DARS2: variants seen among roughly 807,000 people sequenced by gnomAD.
DARS2 encodes the protein aspartyl-tRNA synthetase 2, mitochondrial, also known as aspartate--tRNA ligase, mitochondrial.
A neutral mutation model predicts 83.0 loss-of-function variants in DARS2; 63 were observed. The ratio of observed to expected loss-of-function variants is 0.76; its 90% CI spans 0.62 to 0.94. The LOEUF is 0.94. Among genes scored for constraint, DARS2 ranks in the 40% least tolerant of loss-of-function variants. The pLI, the probability that DARS2 is intolerant of heterozygous loss-of-function variation, is 0.00. For missense variants in DARS2, 675 were observed against 774.4 expected (o/e 0.87, Z 1.52); for synonymous variants, 250 against 269.3 (o/e 0.93, Z 0.70).
intron 12 of DARS2, among the ~76,000 whole-genome samples, chr1:173,845,909 G>A (rs1227086727): frequency 6.6e-6 from 1 of 152,190 alleles, no homozygotes; most frequent in Admixed American, 6.5e-5. Flanking sequence ...TGTAATCCCA[G>A]CACTTTGGGA....
intron 16 of DARS2, 106 bp downstream of exon 16, chr1:173,856,847 C>A: frequency 3.8e-6 from 3 of 788,522 alleles, no homozygotes; most frequent in Non-Finnish European, 6.2e-6. Flanking sequence ...TCCAAGAGTT[C>A]CATGAGAATG....
At chr1:173,856,619 G>A in intron 15 of DARS2, 47 bp from the exon 16 acceptor site, 6 of 1,567,158 alleles carry the variant, frequency 3.8e-6, no homozygotes, top group Non-Finnish European at 3.5e-6. Context: ...GTGGCACTTA[G>A]TGGACCTTCA....
Position 173,845,310 on chromosome 1 carries a change from C to T in DARS2, c.1191+19C>T. On this transcript the variant is annotated intron_variant, in intron 12 of 16. Coordinates refer to ENST00000649689, the MANE Select transcript of DARS2 (RefSeq NM_018122.5). Reference sequence around the variant, plus strand: ...TAATCAGGTAAGGAGTTAATTAGAGCAGTTTTTTTCCTTATACAGATTCAA... The same window carrying T: ...TAATCAGGTAAGGAGTTAATTAGAGTAGTTTTTTTCCTTATACAGATTCAA... The T allele has an allele frequency of 1.9e-6, 3 of 1,569,624 alleles. No homozygotes were observed. The South Asian group carries it at 3.3e-5, about 17-fold the overall frequency.
At chr1:173,839,293 C>A in intron 9 of DARS2, 74 bp from the exon 10 acceptor site, 1 of 1,405,794 alleles carries the variant, frequency 7.1e-7, no homozygotes, top group East Asian at 2.4e-5. Flanking sequence ...TCTATAGTAA[C>A]TTGAAAGCAG....
In DARS2 at chr1:173,857,594, G is replaced by A; in HGVS notation, c.1827G>A (p.Arg609=). The A allele has an allele frequency of 1.2e-6, 2 of 1,614,108 alleles. No homozygotes were observed. The highest frequency in any genetic ancestry group is 1.7e-6 in the Non-Finnish European group (2 of 1,180,014). The change falls in exon 17 of 17, where the codon CGG becomes CGA. Residue 609 remains arginine (R), a synonymous_variant. Transcript: ENST00000649689. ...TCATAGCCTTCCCAAAGTCCTTCCG[G>A]GGACATGACCTCATGAGCAATACCC... ...RDVIAFPKSF[R]GHDLMSNTPD...
Position 173,837,029 on chromosome 1 carries a change from G to C in DARS2, c.753G>C (p.Met251Ile). The change falls in exon 8 of 17, where the codon ATG (methionine) becomes ATC (isoleucine). Residue 251 changes from methionine to isoleucine, a missense_variant. Transcript: ENST00000649689. ...CTCAACAGTTTAAGCAACTTCTGAT[G>C]GTTGGCGGTTTAGACAGGTGAGCTT... ...QSPQQFKQLL[M>I]VGGLDRYFQV... The C allele has an allele frequency of 6.2e-7, 1 of 1,613,872 alleles. No individual in the cohort carries two copies. The highest frequency in any genetic ancestry group is 1.1e-5 in the South Asian group (1 of 91,068).
Position 173,856,680 on chromosome 1 carries a change from G to A in DARS2, c.1689G>A (p.Met563Ile), listed in dbSNP as rs1235683237. The A allele has an allele frequency of 3.7e-6, 6 of 1,613,766 alleles. No homozygotes were observed. The highest frequency in any genetic ancestry group is 5.1e-6 in the Non-Finnish European group (6 of 1,179,860). ...TTGAATTTCAGGAGGATGTGAAAATGCTCTCCCATCTGCTCCAGGCTTTAG... is the reference window on the plus strand; with the variant it reads ...TTGAATTTCAGGAGGATGTGAAAATACTCTCCCATCTGCTCCAGGCTTTAG... The part of the protein sequence containing the change: ...LATLLKEDVK[M>I]LSHLLQALDY... The change falls in exon 16 of 17, where the codon ATG becomes ATA. Residue 563 changes from methionine (M) to isoleucine (I), a missense_variant. Physicochemically the swap from Met to Ile is conservative, Grantham distance 10. Coordinates refer to ENST00000649689, the MANE Select transcript of DARS2 (RefSeq NM_018122.5).
chr1:173,845,197 T>C (rs1189314057), intron 11 of DARS2, 32 bp from the exon 12 acceptor site: 2 of 1,347,552 alleles, frequency 1.5e-6, no homozygotes, highest in South Asian at 2.3e-5. Flanking sequence ...AGTGTCATAC[T>C]GACAAGTTTA....
chr1:173,829,245 A>G (rs1197387949), intron 3 of DARS2, among the ~76,000 whole-genome samples: 1 of 151,540 alleles, frequency 6.6e-6, no homozygotes, highest in Non-Finnish European at 1.5e-5. Context: ...GCTTGTATAT[A>G]TGTTAGGAAA....
chr1:173,851,811 T>G (rs547232820), intron 13 of DARS2: 1 of 984,776 alleles, frequency 1.0e-6, no homozygotes, highest in East Asian at 1.1e-4. Flanking sequence ...ATCTATATTT[T>G]CATTTGTCAT....
chr1:173,830,798 T>C (rs1652767925), intron 4 of DARS2, 37 bp downstream of exon 4: 2 of 1,507,302 alleles, frequency 1.3e-6, no homozygotes, highest in Non-Finnish European at 1.8e-6. Context: ...AATTTTTGCT[T>C]GTATGCATTT....
At chr1:173,829,117 G>A (rs992226693) in intron 3 of DARS2, among the ~76,000 whole-genome samples, 1 of 152,140 alleles carries the variant, frequency 6.6e-6, no homozygotes, top group Non-Finnish European at 1.5e-5. Flanking sequence ...GTATTCTTGA[G>A]TATACAAAAG....
chr1:173,831,490 A>G (rs1652793831), intron 4 of DARS2, 45 bp from the exon 5 acceptor site: 2 of 1,331,706 alleles, frequency 1.5e-6, no homozygotes, highest in African/African-American at 1.4e-5. Context: ...TTTTGTGTAT[A>G]TCCTGATGAG....
At chr1:173,837,619 A>T (rs1362487503) in intron 8 of DARS2, among the ~76,000 whole-genome samples, 1 of 152,246 alleles carries the variant, frequency 6.6e-6, no homozygotes, top group Non-Finnish European at 1.5e-5. Context: ...TTTAATAAAA[A>T]GAGCTGGCAT....
chr1:173,843,332 G>A (rs1387627010), intron 11 of DARS2, among the ~76,000 whole-genome samples: 5 of 152,030 alleles, frequency 3.3e-5, no homozygotes, highest in African/African-American at 1.2e-4. Flanking sequence ...AGGCTGAGGC[G>A]GGCGGATCAC....
At chr1:173,845,087 G>A (rs527304211) in intron 11 of DARS2, 142 bp from the exon 12 acceptor site, 46 of 626,570 alleles carry the variant, frequency 7.3e-5, no homozygotes, top group African/African-American at 3.5e-4. Context: ...GAGCCACCGC[G>A]CCCAGCCCAG....
intron 5 of DARS2, 109 bp downstream of exon 5, chr1:173,831,739 T>G: frequency 5.6e-6 from 5 of 889,262 alleles, no homozygotes; most frequent in Non-Finnish European, 9.3e-6. Flanking sequence ...AAATTAAGCA[T>G]TTTATTGTAG....
intron 12 of DARS2, 31 bp from the exon 13 acceptor site, chr1:173,850,296 A>G: frequency 6.3e-7 from 1 of 1,577,522 alleles, no homozygotes; most frequent in Non-Finnish European, 8.6e-7. Context: ...AAAAAAAAAA[A>G]AACGTGAATA....
At chr1:173,836,868 A>C in intron 7 of DARS2, 72 bp from the exon 8 acceptor site, 1 of 1,195,758 alleles carries the variant, frequency 8.4e-7, no homozygotes, top group Non-Finnish European at 1.2e-6. Context: ...AACTTCTACT[A>C]GTTAGTTATA....
Sources: allele counts gnomAD v4.1 joint callset (sites outside exome capture counted in the v4.1 genomes callset), GRCh38; gene constraint gnomAD v4.1.1; transcripts MANE v1.5; gene names NCBI Gene and HGNC (gene_info 2026-07-23, HGNC 2026-07-21).